PDSS1: variants seen among roughly 807,000 people sequenced by gnomAD.
PDSS1 encodes decaprenyl diphosphate synthase subunit 1, also known as all trans-polyprenyl-diphosphate synthase PDSS1.
PDSS1 carries 43 observed loss-of-function variants against 57.5 expected under a neutral mutation model. The observed-to-expected ratio is 0.75, with a 90% CI of 0.59 to 0.96. The LOEUF is 0.96. Among genes scored for constraint, PDSS1 ranks in the 50% least tolerant of loss-of-function variants. The pLI is 0.00. For missense variants in PDSS1, 438 were observed against 527.8 expected (o/e 0.83, Z 1.67); for synonymous variants, 175 against 191.3 (o/e 0.91, Z 0.70).
chr10:26,737,722 C>CA (rs200552153), intron 10 of PDSS1, among the ~76,000 whole-genome samples: 830 of 73,522 alleles, frequency 0.011, 70 homozygotes, highest in African/African-American at 0.018. Context: ...GACTCCGTCT[C>CA]AAAAAAAAAA....
At chr10:26,731,004 C>T (rs374462823) in intron 8 of PDSS1, among the ~76,000 whole-genome samples, 13 of 151,720 alleles carry the variant, frequency 8.6e-5, no homozygotes, top group Non-Finnish European at 1.8e-4. Flanking sequence ...GTCAGGAGTT[C>T]GAGACCAGCC....
At chr10:26,713,751 A>G (rs899950851) in intron 5 of PDSS1, among the ~76,000 whole-genome samples, 1 of 152,146 alleles carries the variant, frequency 6.6e-6, no homozygotes, top group Non-Finnish European at 1.5e-5. Flanking sequence ...GTTGTGGTGG[A>G]TCCTGAGACT....
In PDSS1 at chr10:26,735,553, G is replaced by A. The variant is rs1836367479; in HGVS notation, c.1000G>A (p.Gly334Ser). 2.5e-6 allele frequency: 4 copies of A among 1,613,202 alleles called. No homozygotes were observed. The East Asian group carries it at 8.9e-5, about 36-fold the overall frequency. ...TGATCTGAAGCTCGGGTTAGCCACTGGTCCTGTCCTGTTTGCCTGTCAGCA... is the reference window on the plus strand; with the variant it reads ...TGATCTGAAGCTCGGGTTAGCCACTAGTCCTGTCCTGTTTGCCTGTCAGCA... ...SADLKLGLATGPVLFACQQFP... is the reference protein window; with the variant it reads ...SADLKLGLATSPVLFACQQFP... The change falls in exon 10 of 12, where the codon GGT (glycine) becomes AGT (serine). Residue 334 changes from glycine to serine, a missense_variant. Physicochemically the swap from Gly to Ser is moderately conservative, Grantham distance 56. Coordinates refer to ENST00000376215, the MANE Select transcript of PDSS1 (RefSeq NM_014317.5).
intron 5 of PDSS1, among the ~76,000 whole-genome samples, chr10:26,717,167 A>G (rs1437170878): frequency 2.0e-5 from 3 of 152,232 alleles, no homozygotes; most frequent in Admixed American, 2.0e-4. Context: ...ACCAAATAAC[A>G]TTTCAGTTTC....
intron 8 of PDSS1, among the ~76,000 whole-genome samples, chr10:26,727,196 T>C (rs1835983339): frequency 6.6e-6 from 1 of 152,210 alleles, no homozygotes; most frequent in Admixed American, 6.5e-5. Flanking sequence ...GACAGTGGCT[T>C]GTTTCCCAGG....
chr10:26,713,224 A>G (rs73594396), intron 5 of PDSS1, among the ~76,000 whole-genome samples: 8,215 of 52,172 alleles, frequency 0.16, 1,635 homozygotes, highest in Non-Finnish European at 0.21. Context: ...CCCGGGAGGC[A>G]GAGGTTGCAG....
chr10:26,704,731 C>A lies in PDSS1; in HGVS notation c.217C>A (p.Arg73Ser). 1.4e-6 allele frequency: 2 copies of A among 1,413,204 alleles called. No homozygotes were observed. The highest frequency in any genetic ancestry group is 2.0e-6 in the Non-Finnish European group (2 of 997,512). The allele number at this position is 1,413,204 out of a possible 1,614,324, so 87.5% of individuals were successfully genotyped here. A position where few individuals can be genotyped will look rare whatever the true frequency, so the allele number is the denominator to read the frequency against. ...AACATCTGCCTGTCCAAATGTATGT[C>A]GTATATCACGGTAAGTTTACAGTCC... ...HLTSACPNVC[R>S]ISRFHHTTPD... Residue 73 changes from arginine to serine, a missense_variant, in exon 3 of 12, where the codon CGT becomes AGT. Arg to Ser is a moderately radical substitution (Grantham distance 110). Transcript: ENST00000376215.
At chr10:26,720,898 C>T (rs1264305115) in intron 6 of PDSS1, among the ~76,000 whole-genome samples, 1 of 152,076 alleles carries the variant, frequency 6.6e-6, no homozygotes, top group African/African-American at 2.4e-5. Context: ...GAAACAGGGA[C>T]TTGGTTTGAG....
At chr10:26,698,050 C>T (rs1165178305) in intron 1 of PDSS1, among the ~76,000 whole-genome samples, 2 of 151,810 alleles carry the variant, frequency 1.3e-5, no homozygotes, top group Non-Finnish European at 2.9e-5. Context: ...GGGCGCCCTA[C>T]ACGGGGTTGC....
At chr10:26,742,436 C>A (rs1836653496) in intron 10 of PDSS1, 61 bp from the exon 11 acceptor site, 2 of 1,206,942 alleles carry the variant, frequency 1.7e-6, no homozygotes, top group Admixed American at 3.5e-5. Context: ...AGTGTTAGAA[C>A]ACTTGTTTCT....
At chr10:26,703,240 C>T (rs138187402) in intron 2 of PDSS1, among the ~76,000 whole-genome samples, 7 of 152,190 alleles carry the variant, frequency 4.6e-5, no homozygotes, top group African/African-American at 1.4e-4. Flanking sequence ...AAAAAGCGTC[C>T]CCTGTATTAA....
intron 6 of PDSS1, among the ~76,000 whole-genome samples, chr10:26,721,352 C>G (rs556240724): frequency 8.6e-5 from 13 of 150,884 alleles, no homozygotes; most frequent in African/African-American, 3.2e-4. Flanking sequence ...ACCTCCTTTT[C>G]TCTCATAGAT....
intron 5 of PDSS1, 104 bp downstream of exon 5, chr10:26,709,872 G>A: frequency 3.2e-6 from 4 of 1,258,726 alleles, no homozygotes; most frequent in Non-Finnish European, 4.6e-6. Flanking sequence ...GCATATACCG[G>A]CTGGGCATGG....
intron 8 of PDSS1, among the ~76,000 whole-genome samples, chr10:26,733,100 G>A (rs1452523380): frequency 6.6e-6 from 1 of 152,104 alleles, no homozygotes; most frequent in Non-Finnish European, 1.5e-5. Context: ...AAAAGAAATA[G>A]ATTTTTAGAA....
chr10:26,724,619 C>T (rs2132271338), intron 8 of PDSS1, among the ~76,000 whole-genome samples: 1 of 151,732 alleles, frequency 6.6e-6, no homozygotes, highest in South Asian at 2.1e-4. Flanking sequence ...GCTGTGTGGC[C>T]CAGGCTACAA....
At chr10:26,728,547 T>G (rs182058035) in intron 8 of PDSS1, among the ~76,000 whole-genome samples, 37 of 152,288 alleles carry the variant, frequency 2.4e-4, no homozygotes, top group Non-Finnish European at 3.8e-4. Context: ...TATTTTAACC[T>G]ATTTTGGGCA....
Position 26,735,225 on chromosome 10 carries a change from C to G in PDSS1, c.832-15C>G, listed in dbSNP as rs1057524182. The G allele has an allele frequency of 6.3e-7, 1 of 1,596,578 alleles. No homozygotes were observed. The highest frequency in any genetic ancestry group is 8.6e-7 in the Non-Finnish European group (1 of 1,163,936). On this transcript the variant is annotated splice_polypyrimidine_tract_variant and intron_variant, in intron 8 of 11. Transcript: ENST00000376215. ...CCTGGAAGCAGCTTATCTCAGAATG[C>G]TCTTTCTGTTTCAGGTCTCTGTTCT...
In PDSS1 at chr10:26,735,888, G is replaced by A. The variant is rs7069065; in HGVS notation, c.1026+309G>A. Among the ~76,000 whole-genome samples the A allele has an allele frequency of 1.3e-3, 194 of 152,282 alleles. 2 individuals are homozygous for A. The highest frequency in any genetic ancestry group is 4.6e-3 in the African/African-American group (193 of 41,544). On this transcript the variant is annotated intron_variant, in intron 10 of 11. Transcript: ENST00000376215. ...TGCCATAGGCATTTGAGGTAGCATC[G>A]TGATTATTTCCATATATTTTGGCCA...
intron 8 of PDSS1, among the ~76,000 whole-genome samples, chr10:26,733,710 CACACCTGATA>C (rs1343072903): frequency 6.6e-6 from 1 of 152,030 alleles, no homozygotes; most frequent in African/African-American, 2.4e-5. Context: ...TGCGGTGGCT[CACACCTGATA>C]ATCTCAACGC....
Sources: gnomAD v4.1 joint callset for allele counts (sites outside exome capture counted in the v4.1 genomes callset) on GRCh38, gnomAD v4.1.1 for gene constraint, MANE v1.5 for transcripts, NCBI Gene and HGNC (gene_info 2026-07-23, HGNC 2026-07-21) for gene names.